The following GPC5 variants were observed in gnomAD, a reference collection of about 807,000 sequenced individuals.
GPC5 encodes the protein glypican-5.
GPC5 carries 47 observed loss-of-function variants against 53.9 expected under a neutral mutation model. The observed-to-expected ratio is 0.87, with a 90% CI of 0.69 to 1.11. The LOEUF is 1.11. Among genes scored for constraint, GPC5 ranks in the 50% most tolerant of loss-of-function variants. GPC5 has a pLI of 0.00. For missense variants in GPC5, 748 were observed against 713.1 expected (o/e 1.05, Z -0.56); for synonymous variants, 286 against 263.3 (o/e 1.09, Z -0.84).
At chr13:91,844,754 C>T (rs2038829156) in intron 5 of GPC5, among the ~76,000 whole-genome samples, 1 of 152,030 alleles carries the variant, frequency 6.6e-6, no homozygotes, top group South Asian at 2.1e-4. Context: ...CAGAGTCTCA[C>T]TCACTCTGTC....
intron 2 of GPC5, among the ~76,000 whole-genome samples, chr13:91,468,724 A>G (rs1303078883): frequency 6.6e-6 from 1 of 152,158 alleles, no homozygotes; most frequent in Non-Finnish European, 1.5e-5. Context: ...CAGCAGCCCC[A>G]GGAAACCAAT....
intron 6 of GPC5, among the ~76,000 whole-genome samples, chr13:92,103,956 CA>C (rs1379648919): frequency 2.0e-5 from 3 of 152,134 alleles, no homozygotes; most frequent in Admixed American, 2.0e-4. Context: ...CTTTCAAGGT[CA>C]ACTTTTTGTT....
chr13:92,050,329 TA>T (rs947140982), intron 6 of GPC5, among the ~76,000 whole-genome samples: 1 of 151,994 alleles, frequency 6.6e-6, no homozygotes, highest in Non-Finnish European at 1.5e-5. Context: ...ATATTTTTTT[TA>T]AAAAAAGCAA....
intron 5 of GPC5, among the ~76,000 whole-genome samples, chr13:91,873,985 G>A (rs1052897828): frequency 6.6e-6 from 1 of 152,140 alleles, no homozygotes; most frequent in African/African-American, 2.4e-5. Flanking sequence ...CCAGCCTGGG[G>A]CAAGTTATTG....
At chr13:91,634,302 A>G (rs2034232127) in intron 2 of GPC5, among the ~76,000 whole-genome samples, 1 of 152,104 alleles carries the variant, frequency 6.6e-6, no homozygotes. Flanking sequence ...ATTTCGAATG[A>G]CAACTGGTCT....
Position 91,693,862 on chromosome 13 carries a change from G to T in GPC5, c.1001G>T (p.Gly334Val). The T allele has an allele frequency of 6.3e-7, 1 of 1,595,082 alleles. No individual in the cohort carries two copies. The change falls in exon 3 of 8, where the codon GGA becomes GTA. Residue 334 changes from glycine (G) to valine (V), a missense_variant. Gly to Val is a moderately radical substitution (Grantham distance 109). Coordinates refer to ENST00000377067, the MANE Select transcript of GPC5 (RefSeq NM_004466.6). ...NDAVLQAHLN[G>V]QKLLEQVNRI... is the part of the protein sequence containing the mutation. ...GCTGTGTTACAGGCTCACCTCAATG[G>T]ACAAAAATTATTGGAACAGGTAAGT...
At chr13:91,725,553 C>A (rs1005011613) in intron 3 of GPC5, among the ~76,000 whole-genome samples, 1 of 152,098 alleles carries the variant, frequency 6.6e-6, no homozygotes, top group African/African-American at 2.4e-5. Context: ...AATTTACTTG[C>A]ATTTATTAGA....
intron 7 of GPC5, among the ~76,000 whole-genome samples, chr13:92,189,054 G>A (rs2042204126): frequency 6.6e-6 from 1 of 152,140 alleles, no homozygotes; most frequent in Non-Finnish European, 1.5e-5. Flanking sequence ...ATGCATTGCT[G>A]GAGGCTGAAA....
rs546674866 is a variant in GPC5 at position 92,263,077 on chromosome 13, G to A, written c.1561+118088G>A. Among the ~76,000 whole-genome samples, 7 of 152,198 alleles carry A rather than the reference G, an allele frequency of 4.6e-5. No individual in the cohort carries two copies. The East Asian group carries it at 1.4e-3, about 29-fold the overall frequency. On this transcript the variant is annotated intron_variant, in intron 7 of 7. Coordinates refer to ENST00000377067, the MANE Select transcript of GPC5 (RefSeq NM_004466.6). ...AGTAGCCATCTTAACTCACTGTGGA[G>A]AAGTTCAAAGTCTCTCTTCATTGTA...
chr13:92,046,278 A>T (rs1301478912), intron 6 of GPC5, among the ~76,000 whole-genome samples: 2 of 152,176 alleles, frequency 1.3e-5, no homozygotes, highest in African/African-American at 4.8e-5. Context: ...TTCTTCTAAA[A>T]ATATTTCATC....
intron 5 of GPC5, among the ~76,000 whole-genome samples, chr13:91,878,931 C>G (rs1169450768): frequency 6.6e-6 from 1 of 152,024 alleles, no homozygotes; most frequent in Non-Finnish European, 1.5e-5. Flanking sequence ...AAATAGGACT[C>G]AGATCAATCT....
chr13:91,405,118 G>T (rs1877222288), intron 1 of GPC5, among the ~76,000 whole-genome samples: 1 of 152,140 alleles, frequency 6.6e-6, no homozygotes, highest in African/African-American at 2.4e-5. Flanking sequence ...CACATACATG[G>T]CTGAGGACAT....
chr13:92,419,560 C>G (rs1032369673), intron 7 of GPC5, among the ~76,000 whole-genome samples: 1 of 152,128 alleles, frequency 6.6e-6, no homozygotes, highest in Non-Finnish European at 1.5e-5. Context: ...GTCAAACTCA[C>G]GTTTGTCTTG....
At chr13:92,724,875 TACACACAC>T (rs58824655) in intron 7 of GPC5, among the ~76,000 whole-genome samples, 66 of 137,748 alleles carry the variant, frequency 4.8e-4, no homozygotes, top group South Asian at 3.2e-3. Context: ...GTCCTACACA[TACACACAC>T]ACACACACAC....
chr13:92,449,486 G>A (rs909925201), intron 7 of GPC5, among the ~76,000 whole-genome samples: 1 of 152,134 alleles, frequency 6.6e-6, no homozygotes, highest in Non-Finnish European at 1.5e-5. Flanking sequence ...GTTTATTAAT[G>A]TAAATCAAAT....
At chr13:91,987,020 A>G (rs1566379635) in intron 6 of GPC5, among the ~76,000 whole-genome samples, 1 of 152,220 alleles carries the variant, frequency 6.6e-6, no homozygotes. Context: ...GTAGATAACA[A>G]TCAAGGTTAC....
chr13:92,407,034 A>C (rs1875824932), intron 7 of GPC5, among the ~76,000 whole-genome samples: 1 of 152,184 alleles, frequency 6.6e-6, no homozygotes, highest in Non-Finnish European at 1.5e-5. Flanking sequence ...GTGCTCTTGA[A>C]ATTCTCTATA....
chr13:92,570,502 GT>G (rs1882991017), intron 7 of GPC5, among the ~76,000 whole-genome samples: 1 of 151,930 alleles, frequency 6.6e-6, no homozygotes, highest in South Asian at 2.1e-4. Context: ...AAAAATAAAG[GT>G]TATTTAATTT....
intron 7 of GPC5, among the ~76,000 whole-genome samples, chr13:92,257,546 A>ATTTTTTTTTTT (rs398023955): frequency 0.11 from 8,238 of 72,260 alleles, 1,819 homozygotes; most frequent in Non-Finnish European, 0.15. Context: ...TAATACAGGG[A>ATTTTTTTTTTT]TTTTTTTTTT....
Sources: allele counts gnomAD v4.1 joint callset (sites outside exome capture counted in the v4.1 genomes callset), GRCh38; gene constraint gnomAD v4.1.1; transcripts MANE v1.5; gene names NCBI Gene and HGNC (gene_info 2026-07-23, HGNC 2026-07-21).